Variants in MAP2K5 observed in about 807,000 individuals in gnomAD.
MAP2K5 encodes dual specificity mitogen-activated protein kinase kinase 5.
A neutral mutation model predicts 83.1 loss-of-function variants in MAP2K5; 49 were observed. The ratio of observed to expected loss-of-function variants is 0.59; its 90% confidence interval spans 0.47 to 0.75. The LOEUF is 0.75. MAP2K5 is among the 30% of genes least tolerant of loss of function. The pLI is 0.00. For synonymous variants in MAP2K5, 202 were observed against 191.8 expected, an observed-to-expected ratio of 1.05 and a Z score of -0.44; for missense variants, 457 against 557.5, an observed-to-expected ratio of 0.82 and a Z score of 1.82.
At chr15:67,578,167 C>G (rs1247505046) in intron 3 of MAP2K5, among the ~76,000 whole-genome samples, 1 of 152,170 alleles carries the variant, frequency 6.6e-6, no homozygotes, top group South Asian at 2.1e-4. Flanking sequence ...TGCTTGGAGA[C>G]AACAGTTAGT....
At chr15:67,628,900 G>A in intron 8 of MAP2K5, 1 of 750,246 alleles carries the variant, frequency 1.3e-6, no homozygotes, top group Non-Finnish European at 2.4e-6. Flanking sequence ...GGGATGGATG[G>A]CTATAATGGA....
At chr15:67,598,429 G>A (rs1463474430) in intron 7 of MAP2K5, among the ~76,000 whole-genome samples, 1 of 151,986 alleles carries the variant, frequency 6.6e-6, no homozygotes, top group African/African-American at 2.4e-5. Context: ...TATTTGTCTT[G>A]ATTTTTTCCA....
intron 4 of MAP2K5, among the ~76,000 whole-genome samples, chr15:67,585,440 A>G (rs2085268648): frequency 6.6e-6 from 1 of 152,202 alleles, no homozygotes; most frequent in African/African-American, 2.4e-5. Context: ...TCAAACTAGA[A>G]TGTTCCATCG....
intron 2 of MAP2K5, among the ~76,000 whole-genome samples, chr15:67,556,884 G>A (rs1050168320): frequency 6.6e-6 from 1 of 152,014 alleles, no homozygotes; most frequent in Non-Finnish European, 1.5e-5. Flanking sequence ...ACCATCTTCA[G>A]TTTATTTTGG....
At chr15:67,602,763 C>T (rs1440039193) in intron 8 of MAP2K5, among the ~76,000 whole-genome samples, 1 of 152,224 alleles carries the variant, frequency 6.6e-6, no homozygotes, top group African/African-American at 2.4e-5. Flanking sequence ...CCAGGATTCT[C>T]CTGCCTCAGC....
intron 4 of MAP2K5, among the ~76,000 whole-genome samples, chr15:67,582,365 G>A (rs923807978): frequency 6.6e-6 from 1 of 152,134 alleles, no homozygotes; most frequent in African/African-American, 2.4e-5. Flanking sequence ...CAGCCAGGAG[G>A]CAGATTATTT....
At chr15:67,627,853 G>A in intron 8 of MAP2K5, 1 of 560,352 alleles carries the variant, frequency 1.8e-6, no homozygotes, top group Non-Finnish European at 3.3e-6. Context: ...CTGCTGTCAT[G>A]TCTAAGTCAG....
intron 15 of MAP2K5, among the ~76,000 whole-genome samples, chr15:67,700,834 C>T (rs1256391297): frequency 6.6e-6 from 1 of 151,544 alleles, no homozygotes; most frequent in African/African-American, 2.4e-5. Flanking sequence ...AGAATAATTT[C>T]CCCAACAAGA....
rs2085312529 is a variant in MAP2K5 at position 67,587,407 on chromosome 15, C to G, written c.431+494C>G. Among the ~76,000 whole-genome samples the G allele has an allele frequency of 1.3e-5, 2 of 152,140 alleles. No individual in the cohort carries two copies. The highest frequency in any genetic ancestry group is 4.8e-5 in the African/African-American group (2 of 41,432). ...TAGAGGGCTTTTAGTAGGAGAGGGA[C>G]ATGGCCAGCCCTGTGTTTTTAAAAG... On this transcript the variant is annotated intron_variant, in intron 6 of 21. Coordinates refer to ENST00000178640, the MANE Select transcript of MAP2K5 (RefSeq NM_145160.3). This position sits in a 1 kb window ranked among gnomAD's most constrained non-coding sequence, Gnocchi z 4.8.
In MAP2K5 at chr15:67,565,960, G is replaced by A. The variant is rs1233340645; in HGVS notation, c.252+2610G>A. Among the ~76,000 whole-genome samples, 1 of 152,076 alleles carries A rather than the reference G, an allele frequency of 6.6e-6. No individual in the cohort carries two copies. Among genetic ancestry groups the A allele is most frequent in the Non-Finnish European group, 1.5e-5 (1 of 68,012 alleles). On this transcript the variant is annotated intron_variant, in intron 3 of 21. Coordinates refer to ENST00000178640, the MANE Select transcript of MAP2K5 (RefSeq NM_145160.3). The surrounding 1 kb of genome is among the most constrained non-coding windows in gnomAD (Gnocchi z 4.1). ...TTGGTTCTTATGATTGAAATTTAAGGAGAACCATTTGGACGTAACCTTACA... is the reference window on the plus strand; with the variant it reads ...TTGGTTCTTATGATTGAAATTTAAGAAGAACCATTTGGACGTAACCTTACA...
In MAP2K5 at chr15:67,775,413, G is replaced by A. The variant is rs1301178607; in HGVS notation, c.1242+2661G>A. The stretch of plus-strand genomic sequence containing the variant: ...GCCAGGATACGTTTCAGCTGCTGTG[G>A]TTTTCTGGCATGTAGCCATGAAGCT... On this transcript the variant is annotated intron_variant, in intron 21 of 21. Transcript: ENST00000178640. The surrounding 1 kb of genome is among the most constrained non-coding windows in gnomAD (Gnocchi z 5.3). Among the ~76,000 whole-genome samples, 1 of 152,290 alleles carries A rather than the reference G, an allele frequency of 6.6e-6. No homozygotes were observed. Among genetic ancestry groups the A allele is most frequent in the Admixed American group, 6.5e-5 (1 of 15,302 alleles).
intron 15 of MAP2K5, among the ~76,000 whole-genome samples, chr15:67,699,302 A>G (rs940374624): frequency 1.3e-5 from 2 of 152,136 alleles, no homozygotes; most frequent in African/African-American, 2.4e-5. Context: ...CAAGAGGGGC[A>G]GCAGCCAAGC....
Position 67,542,990 on chromosome 15 carries a change from C to T in MAP2K5, c.-346C>T, listed in dbSNP as rs1228583849. 5 of 313,912 alleles carry T rather than the reference C, an allele frequency of 1.6e-5. No individual in the cohort carries two copies. In the Admixed American group the frequency reaches 1.8e-4, roughly 11 times the overall value. The allele number at this position is 313,912 out of a possible 1,614,324, so 19.4% of individuals were successfully genotyped here. ...CGCTGTATCTCCCCCAAACCGAGTC[C>T]TTGCCCTGCTGCCTCCTCATACCCA... On this transcript the variant is annotated 5_prime_UTR_variant, in exon 1 of 22. Coordinates refer to ENST00000178640, the MANE Select transcript of MAP2K5 (RefSeq NM_145160.3).
chr15:67,685,330 C>G (rs1320833585), intron 13 of MAP2K5, among the ~76,000 whole-genome samples: 1 of 152,086 alleles, frequency 6.6e-6, no homozygotes, highest in East Asian at 1.9e-4. Flanking sequence ...AGAAATTATT[C>G]CAGAATTCTG....
chr15:67,572,706 A>ATT lies in MAP2K5; in HGVS notation c.253-8038_253-8037dup, dbSNP rs201661333. Among the ~76,000 whole-genome samples the ATT allele has an allele frequency of 6.2e-5, 8 of 128,604 alleles. No individual in the cohort carries two copies. Among genetic ancestry groups the ATT allele is most frequent in the South Asian group, 2.8e-4 (1 of 3,624 alleles). The allele number at this position is 128,604 out of a possible 152,430, so 84.4% of individuals were successfully genotyped here. A position where few individuals can be genotyped will look rare whatever the true frequency, so the allele number is the denominator to read the frequency against. On this transcript the variant is annotated intron_variant, in intron 3 of 21. Coordinates refer to ENST00000178640, the MANE Select transcript of MAP2K5 (RefSeq NM_145160.3). The surrounding 1 kb of genome is among the most constrained non-coding windows in gnomAD (Gnocchi z 4.2). Reference sequence around the variant, plus strand: ...TGCAAGAATTGATATTATTATTATTATTTTTTTTTTTGAGATGGAGTCTTG... The same window carrying ATT: ...TGCAAGAATTGATATTATTATTATTATTTTTTTTTTTTTGAGATGGAGTCTTG...
intron 21 of MAP2K5, among the ~76,000 whole-genome samples, chr15:67,799,952 G>T (rs2090673020): frequency 6.6e-6 from 1 of 152,132 alleles, no homozygotes; most frequent in Admixed American, 6.5e-5. Flanking sequence ...GGGGCGGTGG[G>T]GGGGATTGTT....
intron 3 of MAP2K5, among the ~76,000 whole-genome samples, chr15:67,578,705 G>A (rs1360335710): frequency 6.6e-6 from 1 of 151,718 alleles, no homozygotes; most frequent in Admixed American, 6.6e-5. Context: ...AGTGTATATA[G>A]TTTGCCAGTT....
chr15:67,769,973 G>A lies in MAP2K5; in HGVS notation c.1196+310G>A, dbSNP rs2141301004. Reference sequence around the variant, plus strand: ...AAAAAAAGAAATACACAATTTTATAGCCCCTACTGAACGGACGTACGAAGC... The same window carrying A: ...AAAAAAAGAAATACACAATTTTATAACCCCTACTGAACGGACGTACGAAGC... On this transcript the variant is annotated intron_variant, in intron 20 of 21. Coordinates refer to ENST00000178640, the MANE Select transcript of MAP2K5 (RefSeq NM_145160.3). The surrounding 1 kb of genome is among the most constrained non-coding windows in gnomAD (Gnocchi z 5.2). The A allele has an allele frequency of 4.1e-6, 1 of 243,762 alleles. No homozygotes were observed. Among genetic ancestry groups the A allele is most frequent in the African/African-American group, 2.3e-5 (1 of 44,042 alleles). 15.1% of individuals were successfully genotyped at this position (243,762 alleles called of 1,614,324 possible). A position where few individuals can be genotyped will look rare whatever the true frequency, so the allele number is the denominator to read the frequency against.
rs1050972376 is a variant in MAP2K5 at position 67,780,624 on chromosome 15, AG to A, written c.1242+7875del. Among the ~76,000 whole-genome samples, 1 of 152,258 alleles carries A rather than the reference AG, an allele frequency of 6.6e-6. No individual in the cohort carries two copies. The highest frequency in any genetic ancestry group is 1.5e-5 in the Non-Finnish European group (1 of 68,042). Reference sequence around the variant, plus strand: ...GACATTACAATATACAGTATAAATTAGGGTGGCCACGCTAGAATACATGGCC... The same window carrying A: ...GACATTACAATATACAGTATAAATTAGGTGGCCACGCTAGAATACATGGCC... On this transcript the variant is annotated intron_variant, in intron 21 of 21. Coordinates refer to ENST00000178640, the MANE Select transcript of MAP2K5 (RefSeq NM_145160.3). The surrounding 1 kb of genome is among the most constrained non-coding windows in gnomAD (Gnocchi z 5.0).
Sources: allele counts gnomAD v4.1 joint callset (sites outside exome capture counted in the v4.1 genomes callset), GRCh38; gene constraint gnomAD v4.1.1; non-coding constraint Gnocchi (gnomAD v3.1); transcripts MANE v1.5; gene names NCBI Gene and HGNC (gene_info 2026-07-23, HGNC 2026-07-21).